Variants in KCND2 observed in about 807,000 individuals in gnomAD.
KCND2 encodes the protein A-type voltage-gated potassium channel KCND2.
KCND2 carries 16 observed loss-of-function variants against 54.4 expected under a neutral mutation model. The ratio of observed to expected loss-of-function variants is 0.29; its 90% confidence interval spans 0.20 to 0.45. The LOEUF (loss-of-function observed/expected upper bound fraction) is 0.45. Among genes scored for constraint, KCND2 ranks in the 20% least tolerant of loss-of-function variants. The pLI is 1.00. For synonymous variants in KCND2, 317 were observed against 310.7 expected (o/e 1.02, Z -0.21); for missense variants, 486 against 824.2 (o/e 0.59, Z 5.02).
intron 4 of KCND2, 41 bp from the exon 5 acceptor site, chr7:120,745,739 G>A: frequency 1.9e-6 from 3 of 1,611,160 alleles, no homozygotes; most frequent in Non-Finnish European, 2.5e-6. Flanking sequence ...TTTTAAAAAT[G>A]TGCTTCTCTG....
chr7:120,671,293 T>C (rs927307112), intron 1 of KCND2, among the ~76,000 whole-genome samples: 6 of 152,026 alleles, frequency 3.9e-5, no homozygotes, highest in Non-Finnish European at 7.4e-5. Flanking sequence ...CAGTTCACAA[T>C]TGGGTTTGCC....
intron 1 of KCND2, among the ~76,000 whole-genome samples, chr7:120,333,273 G>A (rs895910989): frequency 2.0e-5 from 3 of 152,002 alleles, no homozygotes; most frequent in Admixed American, 6.5e-5. Context: ...TACTGTTTTC[G>A]AATTGCAAAG....
chr7:120,585,825 G>A (rs552056717), intron 1 of KCND2, among the ~76,000 whole-genome samples: 16 of 152,210 alleles, frequency 1.1e-4, no homozygotes, highest in Non-Finnish European at 1.6e-4. Flanking sequence ...TCTTAATCCT[G>A]TAAATGATCA....
rs180716986 is a variant in KCND2 at position 120,417,072 on chromosome 7, C to G, written c.1115+141325C>G. 1.4e-3 allele frequency among the ~76,000 whole-genome samples: 218 copies of G among 152,296 alleles called. 1 individual carries two copies. The highest frequency in any genetic ancestry group is 5.2e-3 in the African/African-American group (215 of 41,562). On this transcript the variant is annotated intron_variant, in intron 1 of 5. Transcript: ENST00000331113. ...TGTTGGCCAGGCTGGTCTCAAAACTCCTGACCTCAAGTGATCCACCTGCCT... is the reference window on the plus strand; with the variant it reads ...TGTTGGCCAGGCTGGTCTCAAAACTGCTGACCTCAAGTGATCCACCTGCCT...
At chr7:120,506,257 T>A (rs934048777) in intron 1 of KCND2, among the ~76,000 whole-genome samples, 2 of 151,714 alleles carry the variant, frequency 1.3e-5, no homozygotes, top group Non-Finnish European at 2.9e-5. Flanking sequence ...TGCTAGATGG[T>A]GGGTACACAA....
chr7:120,380,071 G>A (rs1026353871), intron 1 of KCND2, among the ~76,000 whole-genome samples: 8 of 151,836 alleles, frequency 5.3e-5, no homozygotes, highest in African/African-American at 1.5e-4. Context: ...TCCAATACAC[G>A]AAAATATGAA....
At chr7:120,610,698 G>A (rs151241621) in intron 1 of KCND2, among the ~76,000 whole-genome samples, 94 of 152,090 alleles carry the variant, frequency 6.2e-4, no homozygotes, top group Middle Eastern at 3.4e-3. Flanking sequence ...TTATTCAAGC[G>A]GAAACTAATT....
intron 1 of KCND2, among the ~76,000 whole-genome samples, chr7:120,535,305 T>A (rs1791892090): frequency 6.6e-6 from 1 of 152,132 alleles, no homozygotes; most frequent in African/African-American, 2.4e-5. Context: ...CATAAATCAT[T>A]TATTATTATT....
In KCND2 at chr7:120,284,375, C is replaced by G. The variant is rs139054358; in HGVS notation, c.1115+8628C>G. Among the ~76,000 whole-genome samples, 289 of 152,210 alleles carry G rather than the reference C, an allele frequency of 1.9e-3. 1 individual carries two copies. The highest frequency in any genetic ancestry group is 1.9e-3 in the Non-Finnish European group (132 of 67,996). On this transcript the variant is annotated intron_variant, in intron 1 of 5. Transcript: ENST00000331113. ...CTGTAGAAATTAAGGCTGTCTAACCCTATACCATCTTAGTGCACTTTGGAA... is the reference window on the plus strand; with the variant it reads ...CTGTAGAAATTAAGGCTGTCTAACCGTATACCATCTTAGTGCACTTTGGAA...
chr7:120,688,747 GA>G (rs201695394), intron 1 of KCND2, among the ~76,000 whole-genome samples: 2,031 of 151,698 alleles, frequency 0.013, 21 homozygotes, highest in Middle Eastern at 0.027. Context: ...AATCCTCTAA[GA>G]AAAAAAATGT....
intron 1 of KCND2, among the ~76,000 whole-genome samples, chr7:120,726,622 C>T (rs1026982920): frequency 9.9e-5 from 15 of 152,162 alleles, no homozygotes; most frequent in African/African-American, 2.9e-4. Flanking sequence ...CGGCTTTCAC[C>T]GGGGCATTAT....
At chr7:120,649,952 C>G (rs1791705424) in intron 1 of KCND2, among the ~76,000 whole-genome samples, 1 of 152,184 alleles carries the variant, frequency 6.6e-6, no homozygotes, top group African/African-American at 2.4e-5. Context: ...CCCCCACTCT[C>G]TTCTGGCTTG....
intron 1 of KCND2, among the ~76,000 whole-genome samples, chr7:120,303,661 T>C (rs534773032): frequency 1.3e-5 from 2 of 152,292 alleles, no homozygotes; most frequent in African/African-American, 4.8e-5. Context: ...TCAAGAATGT[T>C]CATCCAGAGC....
intron 1 of KCND2, among the ~76,000 whole-genome samples, chr7:120,294,801 T>G (rs902104726): frequency 6.6e-6 from 1 of 151,930 alleles, no homozygotes; most frequent in African/African-American, 2.4e-5. Context: ...TCTATCTATA[T>G]AAAGATATGT....
chr7:120,417,185 GATAA>G, intron 1 of KCND2, among the ~76,000 whole-genome samples: 1 of 152,084 alleles, frequency 6.6e-6, no homozygotes, highest in Non-Finnish European at 1.5e-5. Context: ...GGTCAGTCCT[GATAA>G]ATATTTTAAA....
chr7:120,456,094 G>A (rs781218625), intron 1 of KCND2, among the ~76,000 whole-genome samples: 9 of 152,204 alleles, frequency 5.9e-5, no homozygotes, highest in African/African-American at 1.4e-4. Context: ...ACCATGAACC[G>A]TATAAAGAAG....
At chr7:120,299,481 A>T (rs544860216) in intron 1 of KCND2, among the ~76,000 whole-genome samples, 1 of 152,188 alleles carries the variant, frequency 6.6e-6, no homozygotes, top group South Asian at 2.1e-4. Flanking sequence ...TTCCAAGCAT[A>T]ACATCTATAT....
At chr7:120,306,691 A>G (rs760891092) in intron 1 of KCND2, among the ~76,000 whole-genome samples, 1 of 152,210 alleles carries the variant, frequency 6.6e-6, no homozygotes, top group East Asian at 1.9e-4. Flanking sequence ...TTATGTGTGT[A>G]TATAGAGCTT....
intron 1 of KCND2, among the ~76,000 whole-genome samples, chr7:120,710,760 G>A (rs1279902192): frequency 2.0e-5 from 3 of 152,012 alleles, no homozygotes; most frequent in African/African-American, 7.2e-5. Flanking sequence ...TCTTATAAAC[G>A]TTGAGGAACT....
Sources: allele counts gnomAD v4.1 joint callset (sites outside exome capture counted in the v4.1 genomes callset), GRCh38; gene constraint gnomAD v4.1.1; transcripts MANE v1.5; gene names NCBI Gene and HGNC (gene_info 2026-07-23, HGNC 2026-07-21).